UBE2J1: variants seen among roughly 807,000 people sequenced by gnomAD.
The protein encoded by UBE2J1 is ubiquitin-conjugating enzyme E2 J1.
A neutral mutation model predicts 42.1 loss-of-function variants in UBE2J1; 17 were observed. The ratio of observed to expected loss-of-function variants is 0.40; its 90% CI spans 0.28 to 0.61. UBE2J1 has a LOEUF of 0.61. Among genes scored for constraint, UBE2J1 ranks in the 20% least tolerant of loss-of-function variants. The probability of loss-of-function intolerance (pLI) is 0.38; values close to 1 mark genes in which losing one functional copy is unlikely to be tolerated. For synonymous variants in UBE2J1, 127 were observed against 137.2 expected (o/e 0.93, Z 0.52); for missense variants, 291 against 389.4 (o/e 0.75, Z 2.13).
At chr6:89,333,384 A>C (rs1485415097) in intron 6 of UBE2J1, among the ~76,000 whole-genome samples, 179 bp from the exon 7 acceptor site, 1 of 152,228 alleles carries the variant, frequency 6.6e-6, no homozygotes, top group Non-Finnish European at 1.5e-5. Flanking sequence ...GTATCATAGG[A>C]AGAAGCATAC....
At chr6:89,331,219 AG>A (rs796933708) in intron 7 of UBE2J1, among the ~76,000 whole-genome samples, 264 of 152,340 alleles carry the variant, frequency 1.7e-3, no homozygotes, top group African/African-American at 6.1e-3. Context: ...ACCAGGTTTC[AG>A]TTACTTTCAT....
At chr6:89,334,496 A>C (rs889883767) in intron 6 of UBE2J1, among the ~76,000 whole-genome samples, 1 of 131,750 alleles carries the variant, frequency 7.6e-6, no homozygotes, top group Non-Finnish European at 1.6e-5. Context: ...TTTGAGATGG[A>C]GTTTCGCTCT....
rs564804709 is a variant in UBE2J1, at chr6:89,337,369, G to C, written c.428+836C>G. ...ATCTATGAAGAGCTGTATAAATAAA[G>C]TACATACCCATAGTTTGGAAATAAG... On this transcript the variant is annotated intron_variant, in intron 5 of 7. Coordinates refer to ENST00000435041, the MANE Select transcript of UBE2J1 (RefSeq NM_016021.3). Among the ~76,000 whole-genome samples the C allele has an allele frequency of 5.3e-5, 8 of 151,954 alleles. 1 individual carries two copies. Among genetic ancestry groups the C allele is most frequent in the Admixed American group, 5.2e-4 (8 of 15,258 alleles).
intron 7 of UBE2J1, among the ~76,000 whole-genome samples, chr6:89,330,328 T>G (rs1767987695): frequency 6.6e-6 from 1 of 152,128 alleles, no homozygotes; most frequent in Non-Finnish European, 1.5e-5. Context: ...TAATCATTAT[T>G]TTTTTAGAGA....
chr6:89,327,299 T>A lies in UBE2J1; in HGVS notation c.*2380A>T, dbSNP rs1260646005. ...TCTAGATCTGAGGATTAAAGAGGAG[T>A]CCTCAGCCTTTACTTGCCAGAATAT... On this transcript the variant is annotated 3_prime_UTR_variant, in exon 8 of 8. Coordinates refer to ENST00000435041, the MANE Select transcript of UBE2J1 (RefSeq NM_016021.3). 1.3e-5 allele frequency: 2 copies of A among 152,208 alleles called. No homozygotes were observed. Among genetic ancestry groups the A allele is most frequent in the African/African-American group, 2.4e-5 (1 of 41,328 alleles). The allele number at this position is 152,208 out of a possible 1,614,324, so 9.4% of individuals were successfully genotyped here. A position where few individuals can be genotyped will look rare whatever the true frequency, so the allele number is the denominator to read the frequency against.
intron 3 of UBE2J1, among the ~76,000 whole-genome samples, chr6:89,339,803 G>A (rs773974329): frequency 2.0e-5 from 3 of 151,642 alleles, no homozygotes; most frequent in Non-Finnish European, 4.4e-5. Context: ...GAGGCCAGGA[G>A]TTTGAGACCA....
intron 7 of UBE2J1, 38 bp downstream of exon 7, chr6:89,333,048 T>C (rs769176764): frequency 1.6e-5 from 25 of 1,520,044 alleles, no homozygotes; most frequent in Non-Finnish European, 1.9e-5. Context: ...GTGATAATGA[T>C]AGAGACATAC....
intron 3 of UBE2J1, among the ~76,000 whole-genome samples, chr6:89,341,882 T>C (rs760244181): frequency 6.6e-5 from 10 of 152,342 alleles, no homozygotes; most frequent in Middle Eastern, 3.4e-3. Flanking sequence ...AAGATCTTGA[T>C]ACTTTTCATC....
chr6:89,335,778 C>T (rs1378388260), intron 5 of UBE2J1, among the ~76,000 whole-genome samples: 6 of 152,030 alleles, frequency 3.9e-5, no homozygotes, highest in Middle Eastern at 3.4e-3. Context: ...GAAAAAAGTC[C>T]TTTAACAAGA....
chr6:89,351,286 T>C (rs746848887), intron 1 of UBE2J1, among the ~76,000 whole-genome samples: 8 of 151,908 alleles, frequency 5.3e-5, no homozygotes, highest in Admixed American at 1.3e-4. Flanking sequence ...TTCACCATGT[T>C]GGCCAGGCTG....
chr6:89,340,219 AAAG>A (rs543752472), intron 3 of UBE2J1, among the ~76,000 whole-genome samples: 9 of 152,342 alleles, frequency 5.9e-5, no homozygotes, highest in African/African-American at 1.9e-4. Context: ...ACTTTTCAAA[AAAG>A]AAGTGAACCA....
At chr6:89,331,829 G>GA (rs971681623) in intron 7 of UBE2J1, among the ~76,000 whole-genome samples, 10 of 151,538 alleles carry the variant, frequency 6.6e-5, no homozygotes, top group African/African-American at 1.5e-4. Context: ...GCTTCTATTA[G>GA]AAAAAAAACT....
intron 7 of UBE2J1, among the ~76,000 whole-genome samples, chr6:89,332,283 T>C (rs1768023852): frequency 6.6e-6 from 1 of 152,198 alleles, no homozygotes; most frequent in Non-Finnish European, 1.5e-5. Context: ...ATCTTTTATA[T>C]ATAGGAAGGA....
At chr6:89,347,673 T>C (rs905559386) in intron 1 of UBE2J1, among the ~76,000 whole-genome samples, 1 of 151,978 alleles carries the variant, frequency 6.6e-6, no homozygotes, top group Non-Finnish European at 1.5e-5. Context: ...ATTAGTCTCT[T>C]GTTTCCATAA....
intron 2 of UBE2J1, among the ~76,000 whole-genome samples, chr6:89,342,991 G>A (rs569521975): frequency 2.0e-4 from 30 of 152,178 alleles, no homozygotes; most frequent in African/African-American, 7.0e-4. Context: ...ACCTGCCTGG[G>A]TATATTTAAA....
chr6:89,337,242 T>A (rs1768126439), intron 5 of UBE2J1, among the ~76,000 whole-genome samples: 1 of 150,884 alleles, frequency 6.6e-6, no homozygotes, highest in Admixed American at 6.6e-5. Flanking sequence ...TTTTTTTTTT[T>A]ACCTCGCACA....
intron 1 of UBE2J1, among the ~76,000 whole-genome samples, chr6:89,346,840 T>G (rs901654357): frequency 1.3e-5 from 2 of 152,190 alleles, no homozygotes; most frequent in Non-Finnish European, 2.9e-5. Flanking sequence ...ATGAAGTTCA[T>G]CTCACTTGTA....
At chr6:89,351,703 T>C (rs911934014) in intron 1 of UBE2J1, among the ~76,000 whole-genome samples, 12 of 152,210 alleles carry the variant, frequency 7.9e-5, no homozygotes, top group Non-Finnish European at 1.6e-4. Context: ...GTGGAGTTTC[T>C]TCCCCCTGAC....
intron 1 of UBE2J1, among the ~76,000 whole-genome samples, chr6:89,344,125 G>C (rs1158053461): frequency 6.6e-6 from 1 of 151,912 alleles, no homozygotes; most frequent in African/African-American, 2.4e-5. Context: ...TCCAGATGAA[G>C]AAGCCGAGAC....
Sources: gnomAD v4.1 joint callset for allele counts (sites outside exome capture counted in the v4.1 genomes callset) on GRCh38, gnomAD v4.1.1 for gene constraint, MANE v1.5 for transcripts, NCBI Gene and HGNC (gene_info 2026-07-23, HGNC 2026-07-21) for gene names.